PTPRD: variants seen among roughly 807,000 people sequenced by gnomAD.
PTPRD encodes protein tyrosine phosphatase receptor type D.
In PTPRD, 34 loss-of-function variants were observed where a neutral mutation model predicts 214.5. The ratio of observed to expected loss-of-function variants is 0.16; its 90% confidence interval spans 0.12 to 0.21. The LOEUF (loss-of-function observed/expected upper bound fraction) is 0.21, where lower values mean the gene tolerates loss of function less well. Ranked by LOEUF, PTPRD falls within the 10% of genes least tolerant of loss-of-function variation. PTPRD has a pLI of 1.00. For missense variants in PTPRD, 2,545 were observed against 2,398.7 expected (o/e 1.06, Z -1.27); for synonymous variants, 1,128 against 845.7 (o/e 1.33, Z -5.79).
rs180752772 is a variant in PTPRD at position 10,477,987 on chromosome 9, G to A, written c.-600+134411C>T. ...ACACCGAGAACTGTCAGGGGATGGG[G>A]GACAAGGGGAGGGAGAGCATTAGCA... On this transcript the variant is annotated intron_variant, in intron 2 of 45. Transcript: ENST00000381196. Among the ~76,000 whole-genome samples the A allele has an allele frequency of 2.1e-3, 324 of 151,734 alleles. 2 individuals are homozygous for A. Among genetic ancestry groups the A allele is most frequent in the African/African-American group, 7.5e-3 (309 of 41,354 alleles).
chr9:9,603,954 A>G (rs950244204), intron 7 of PTPRD, among the ~76,000 whole-genome samples: 2 of 152,106 alleles, frequency 1.3e-5, no homozygotes, highest in African/African-American at 4.8e-5. Flanking sequence ...ATAAATTTCA[A>G]CTGACACAAA....
chr9:8,681,036 C>A (rs1263216473), intron 12 of PTPRD, among the ~76,000 whole-genome samples: 1 of 152,068 alleles, frequency 6.6e-6, no homozygotes, highest in Non-Finnish European at 1.5e-5. Context: ...TTTGGTATTC[C>A]TCCTCTCCCT....
intron 11 of PTPRD, among the ~76,000 whole-genome samples, chr9:8,864,449 GT>G (rs1566709058): frequency 6.6e-6 from 1 of 152,186 alleles, no homozygotes; most frequent in African/African-American, 2.4e-5. Flanking sequence ...ATAAACGAGA[GT>G]AAAACACGAA....
chr9:10,003,023 A>G (rs1308925272), intron 4 of PTPRD, among the ~76,000 whole-genome samples: 2 of 151,934 alleles, frequency 1.3e-5, no homozygotes, highest in East Asian at 3.9e-4. Flanking sequence ...CAAATCAATT[A>G]TAAGAGAAAC....
At chr9:8,848,725 G>C (rs754597919) in intron 11 of PTPRD, among the ~76,000 whole-genome samples, 1 of 152,048 alleles carries the variant, frequency 6.6e-6, no homozygotes, top group East Asian at 1.9e-4. Flanking sequence ...AGGAGGTTAA[G>C]AGTGAGTGAA....
intron 3 of PTPRD, among the ~76,000 whole-genome samples, chr9:10,056,826 G>T (rs897590785): frequency 6.6e-6 from 1 of 152,066 alleles, no homozygotes; most frequent in African/African-American, 2.4e-5. Flanking sequence ...AACTCTTACA[G>T]GTCACTTGAG....
chr9:8,487,385 A>G (rs960641101), intron 27 of PTPRD, among the ~76,000 whole-genome samples: 3 of 152,000 alleles, frequency 2.0e-5, no homozygotes, highest in Non-Finnish European at 4.4e-5. Context: ...ATCCACAGTG[A>G]AAGACATTGA....
chr9:8,923,123 C>G, intron 11 of PTPRD, among the ~76,000 whole-genome samples: 1 of 151,106 alleles, frequency 6.6e-6, no homozygotes, highest in Non-Finnish European at 1.5e-5. Flanking sequence ...TTCACTGAAA[C>G]CTCCGCCTCC....
intron 9 of PTPRD, among the ~76,000 whole-genome samples, chr9:9,197,936 T>A (rs1245611841): frequency 1.3e-5 from 2 of 152,202 alleles, no homozygotes; most frequent in Non-Finnish European, 2.9e-5. Flanking sequence ...GGGAATTGCA[T>A]AGCATCAAGC....
chr9:10,063,082 G>A (rs2097804060), intron 3 of PTPRD, among the ~76,000 whole-genome samples: 1 of 152,030 alleles, frequency 6.6e-6, no homozygotes, highest in African/African-American at 2.4e-5. Context: ...TCATGTGCAT[G>A]GGAGTGAAAT....
intron 3 of PTPRD, among the ~76,000 whole-genome samples, chr9:10,283,424 G>T (rs927107519): frequency 6.6e-6 from 1 of 152,142 alleles, no homozygotes. Context: ...TCCTCAACAC[G>T]ATAAGAATTC....
intron 14 of PTPRD, among the ~76,000 whole-genome samples, chr9:8,611,072 T>G (rs2095429230): frequency 6.6e-6 from 1 of 152,206 alleles, no homozygotes; most frequent in African/African-American, 2.4e-5. Flanking sequence ...AAACACGTGA[T>G]GAAAAAATAA....
intron 7 of PTPRD, among the ~76,000 whole-genome samples, chr9:9,586,046 C>G (rs943024579): frequency 1.3e-5 from 2 of 151,976 alleles, no homozygotes; most frequent in African/African-American, 4.8e-5. Context: ...GAAAATGTCC[C>G]CAACATCCTG....
intron 8 of PTPRD, among the ~76,000 whole-genome samples, chr9:9,403,411 C>T (rs1484560301): frequency 2.4e-5 from 2 of 83,510 alleles, no homozygotes; most frequent in South Asian, 4.4e-4. Context: ...GTTATATTTT[C>T]TCTCTCTCTT....
intron 10 of PTPRD, among the ~76,000 whole-genome samples, chr9:9,082,009 C>T (rs2099759882): frequency 1.3e-5 from 2 of 152,008 alleles, no homozygotes; most frequent in South Asian, 4.1e-4. Flanking sequence ...CAGACAGATT[C>T]ACAGCCAAAT....
rs148710975 is a variant in PTPRD at position 10,206,089 on chromosome 9, C to T, written c.-545+134874G>A. On this transcript the variant is annotated intron_variant, in intron 3 of 45. Transcript: ENST00000381196. ...GTATCAGGGAGGGCATCACAGAGCG[C>T]GTGAAGCTTTAATTGTATCTCAAAA... Among the ~76,000 whole-genome samples, 233 of 145,460 alleles carry T rather than the reference C, an allele frequency of 1.6e-3. 5 individuals carry two copies. The South Asian group carries it at 0.039, about 24-fold the overall frequency.
intron 7 of PTPRD, among the ~76,000 whole-genome samples, chr9:9,655,759 C>G (rs1290021854): frequency 6.6e-6 from 1 of 151,738 alleles, no homozygotes. Flanking sequence ...GGGCAGATCA[C>G]CTGAGGTCAG....
At chr9:10,352,813 A>C (rs116446752) in intron 2 of PTPRD, among the ~76,000 whole-genome samples, 3,227 of 152,092 alleles carry the variant, frequency 0.021, 120 homozygotes, top group African/African-American at 0.074. Flanking sequence ...AATAGGCTAA[A>C]ATCTTTTTTA....
intron 9 of PTPRD, among the ~76,000 whole-genome samples, chr9:9,356,848 C>T (rs2053987409): frequency 1.3e-5 from 2 of 151,212 alleles, no homozygotes; most frequent in African/African-American, 4.8e-5. Flanking sequence ...AAAAACATTC[C>T]CTGAATTTCT....
Sources: allele counts gnomAD v4.1 joint callset (sites outside exome capture counted in the v4.1 genomes callset), GRCh38; gene constraint gnomAD v4.1.1; transcripts MANE v1.5; gene names NCBI Gene and HGNC (gene_info 2026-07-23, HGNC 2026-07-21).